Variants in RORA observed in about 807,000 individuals in gnomAD.
The protein encoded by RORA is RAR related orphan receptor A.
RORA carries 7 observed loss-of-function variants against 69.5 expected under a neutral mutation model. The ratio of observed to expected loss-of-function variants is 0.10; its 90% confidence interval spans 0.06 to 0.19. The LOEUF (loss-of-function observed/expected upper bound fraction) is 0.19, where lower values mean the gene tolerates loss of function less well. Ranked by LOEUF, RORA falls within the 10% of genes least tolerant of loss-of-function variation. The probability of loss-of-function intolerance (pLI) is 1.00; values close to 1 mark genes in which losing one functional copy is unlikely to be tolerated. For synonymous variants in RORA, 261 were observed against 240.8 expected (o/e 1.08, Z -0.78); for missense variants, 457 against 663.0 (o/e 0.69, Z 3.41).
At chr15:61,149,611 C>G (rs2079380819) in intron 1 of RORA, among the ~76,000 whole-genome samples, 1 of 152,040 alleles carries the variant, frequency 6.6e-6, no homozygotes, top group African/African-American at 2.4e-5. Flanking sequence ...GAGAAAATAC[C>G]CTGACCCCAT....
chr15:61,066,105 G>A (rs763369846), intron 1 of RORA, among the ~76,000 whole-genome samples: 1 of 152,136 alleles, frequency 6.6e-6, no homozygotes, highest in Non-Finnish European at 1.5e-5. Context: ...TAAAGACCCA[G>A]TTTGCAATGG....
chr15:61,170,974 C>T (rs1011986913), intron 1 of RORA, among the ~76,000 whole-genome samples: 1 of 152,336 alleles, frequency 6.6e-6, no homozygotes, highest in Middle Eastern at 3.4e-3. Context: ...ATGTTACCGC[C>T]TTACTTTACA....
At chr15:61,101,829 C>A (rs945598118) in intron 1 of RORA, among the ~76,000 whole-genome samples, 1 of 151,976 alleles carries the variant, frequency 6.6e-6, no homozygotes, top group South Asian at 2.1e-4. Flanking sequence ...GGGTCAGGAC[C>A]TGGACCGGGT....
At chr15:61,079,618 T>G (rs1434828633) in intron 1 of RORA, among the ~76,000 whole-genome samples, 2 of 152,236 alleles carry the variant, frequency 1.3e-5, no homozygotes, top group Non-Finnish European at 2.9e-5. Context: ...GTTGAATTTT[T>G]TTCTAAACTC....
intron 1 of RORA, among the ~76,000 whole-genome samples, chr15:60,990,913 GTTACTGACAA>G (rs1247320257): frequency 2.6e-5 from 4 of 152,154 alleles, no homozygotes; most frequent in Non-Finnish European, 4.4e-5. Flanking sequence ...GCTAAAGTGA[GTTACTGACAA>G]CTAAGTAAAA....
intron 1 of RORA, among the ~76,000 whole-genome samples, chr15:60,960,073 GA>G (rs1460346333): frequency 6.6e-6 from 1 of 151,964 alleles, no homozygotes; most frequent in African/African-American, 2.4e-5. Flanking sequence ...GTGGAATGAG[GA>G]AAAAAATTGC....
chr15:60,649,802 A>AC (rs1278974075), intron 2 of RORA, among the ~76,000 whole-genome samples: 2 of 152,074 alleles, frequency 1.3e-5, no homozygotes, highest in Non-Finnish European at 2.9e-5. Flanking sequence ...TTACCAATAG[A>AC]CCCCTCAAAA....
At chr15:60,743,507 A>C (rs532898494) in intron 1 of RORA, among the ~76,000 whole-genome samples, 43 of 152,362 alleles carry the variant, frequency 2.8e-4, no homozygotes, top group African/African-American at 9.1e-4. Context: ...AAAACAGTGA[A>C]TAGCATATCT....
At chr15:60,517,135 T>C (rs982401670) in intron 3 of RORA, among the ~76,000 whole-genome samples, 2 of 146,470 alleles carry the variant, frequency 1.4e-5, no homozygotes, top group African/African-American at 5.3e-5. Flanking sequence ...CCCCCTACAA[T>C]AGGCAGATGG....
chr15:61,108,601 G>A (rs550273604), intron 1 of RORA, among the ~76,000 whole-genome samples: 5 of 152,096 alleles, frequency 3.3e-5, no homozygotes, highest in Admixed American at 1.3e-4. Context: ...GGCCATTTAC[G>A]GAAACGTCTG....
intron 1 of RORA, among the ~76,000 whole-genome samples, chr15:60,729,046 T>C (rs2071397964): frequency 6.6e-6 from 1 of 152,162 alleles, no homozygotes; most frequent in Non-Finnish European, 1.5e-5. Context: ...ATTCTAGGTG[T>C]AATTACCACT....
intron 1 of RORA, among the ~76,000 whole-genome samples, chr15:61,055,298 C>A (rs2078079874): frequency 6.6e-6 from 1 of 152,094 alleles, no homozygotes; most frequent in Non-Finnish European, 1.5e-5. Context: ...TTTTTGAGGG[C>A]TGCTTTTCAT....
intron 2 of RORA, among the ~76,000 whole-genome samples, chr15:60,615,835 G>A (rs2069227095): frequency 6.6e-6 from 1 of 152,186 alleles, no homozygotes; most frequent in Admixed American, 6.5e-5. Context: ...TTAGCTGCAT[G>A]GAGTTCTGTG....
intron 1 of RORA, among the ~76,000 whole-genome samples, chr15:60,802,110 G>A (rs2072590769): frequency 6.6e-6 from 1 of 152,178 alleles, no homozygotes; most frequent in Non-Finnish European, 1.5e-5. Flanking sequence ...GTAAAAACAG[G>A]CACCACTGTT....
chr15:60,931,194 T>C (rs1892363405), intron 1 of RORA, among the ~76,000 whole-genome samples: 3 of 152,180 alleles, frequency 2.0e-5, no homozygotes, highest in Admixed American at 6.5e-5. Context: ...GGTCCATAAG[T>C]GGGGCCAGGC....
chr15:61,025,591 T>C (rs1895768664), intron 1 of RORA, among the ~76,000 whole-genome samples: 1 of 152,202 alleles, frequency 6.6e-6, no homozygotes, highest in Non-Finnish European at 1.5e-5. Context: ...GGACACCTTG[T>C]GGACTGAGGA....
chr15:60,845,567 C>T (rs138014037), intron 1 of RORA, among the ~76,000 whole-genome samples: 312 of 152,310 alleles, frequency 2.0e-3, no homozygotes, highest in African/African-American at 6.7e-3. Context: ...TGAATCTCAG[C>T]TCTGGCATTA....
chr15:61,199,106 A>G (rs2079872597), intron 1 of RORA, among the ~76,000 whole-genome samples: 2 of 152,224 alleles, frequency 1.3e-5, no homozygotes, highest in South Asian at 4.1e-4. Flanking sequence ...GACAAAGAAA[A>G]GTTAGCAAGT....
At chr15:61,207,138 A>G (rs1341315338) in intron 1 of RORA, among the ~76,000 whole-genome samples, 1 of 152,226 alleles carries the variant, frequency 6.6e-6, no homozygotes. Flanking sequence ...ACACACACAC[A>G]CATGCATATA....
Sources: allele counts gnomAD v4.1 joint callset (sites outside exome capture counted in the v4.1 genomes callset), GRCh38; gene constraint gnomAD v4.1.1; transcripts MANE v1.5; gene names NCBI Gene and HGNC (gene_info 2026-07-23, HGNC 2026-07-21).